The following ATP5F1E variants were observed in gnomAD, a reference collection of about 807,000 sequenced individuals.
ATP5F1E encodes ATP synthase F(1) complex subunit epsilon, mitochondrial.
Under a neutral mutation model 7.0 loss-of-function variants are expected in ATP5F1E, and 5 were observed. That is an observed-to-expected ratio of 0.71 (90% CI 0.37 to 1.49). ATP5F1E has a LOEUF of 1.49. Ranked by LOEUF, ATP5F1E falls within the 40% of genes most tolerant of loss-of-function variation. The pLI is 0.03. For missense variants in ATP5F1E, 59 were observed against 57.1 expected (o/e 1.03, Z -0.11); for synonymous variants, 20 against 20.1 (o/e 0.99, Z 0.02).
chr20:59,027,024 G>A lies in ATP5F1E; in HGVS notation c.*1821C>T, dbSNP rs2091998356. On this transcript the variant is annotated 3_prime_UTR_variant, in exon 3 of 3. Transcript: ENST00000243997. ...ATCCTGCCAGCTACCCAGCACTGCT[G>A]GAGGCAGGAAGTTTATTATACTACT... 1 of 152,186 alleles carries A rather than the reference G, an allele frequency of 6.6e-6. No individual in the cohort carries two copies. The allele number at this position is 152,186 out of a possible 1,614,324, so 9.4% of individuals were successfully genotyped here. A position where few individuals can be genotyped will look rare whatever the true frequency, so the allele number is the denominator to read the frequency against.
chr20:59,030,082 G>A, intron 2 of ATP5F1E: 1 of 427,044 alleles, frequency 2.3e-6, no homozygotes. Context: ...GAAAATCAAT[G>A]TGCCAATTAC....
Position 59,030,302 on chromosome 20 carries a change from C to A in ATP5F1E, c.*3+1G>T, listed in dbSNP as rs1211981305. 2 of 1,613,196 alleles carry A rather than the reference C, an allele frequency of 1.2e-6. No homozygotes were observed. The highest frequency in any genetic ancestry group is 1.7e-6 in the Non-Finnish European group (2 of 1,179,536). ...TTCTTCTAAATAAATCCATAACTTA[C>A]AGATTATTCCTTCTTTACTTTCACA... On this transcript the variant is annotated splice_donor_variant, in intron 2 of 2. Transcript: ENST00000243997. LOFTEE classifies it low-confidence loss of function (3UTR_SPLICE).
chr20:59,026,079 T>C lies in ATP5F1E; in HGVS notation c.*2766A>G, dbSNP rs2091992977. ...TCCGACCCTCAATGCAGTAAATATTTACTTGCAGGCAACTGGGTTCTCATC... is the reference window on the plus strand; with the variant it reads ...TCCGACCCTCAATGCAGTAAATATTCACTTGCAGGCAACTGGGTTCTCATC... On this transcript the variant is annotated 3_prime_UTR_variant, in exon 3 of 3. Transcript: ENST00000243997. 6.6e-6 allele frequency: 1 copy of C among 152,350 alleles called. No homozygotes were observed. Among genetic ancestry groups the C allele is most frequent in the South Asian group, 2.1e-4 (1 of 4,826 alleles). The allele number at this position is 152,350 out of a possible 1,614,324, so 9.4% of individuals were successfully genotyped here. A position where few individuals can be genotyped will look rare whatever the true frequency, so the allele number is the denominator to read the frequency against.
In ATP5F1E at chr20:59,027,457, T is replaced by C. The variant is rs1465381818; in HGVS notation, c.*1388A>G. 1 of 152,234 alleles carries C rather than the reference T, an allele frequency of 6.6e-6. No homozygotes were observed. Among genetic ancestry groups the C allele is most frequent in the African/African-American group, 2.4e-5 (1 of 41,464 alleles). The allele number at this position is 152,234 out of a possible 1,614,324, so 9.4% of individuals were successfully genotyped here. On this transcript the variant is annotated 3_prime_UTR_variant, in exon 3 of 3. Coordinates refer to ENST00000243997, the MANE Select transcript of ATP5F1E (RefSeq NM_006886.4). ...TACCAATAATACCCCATCTGCCTCC[T>C]TAATAAATGACTTATCTCTAATTAC...
intron 1 of ATP5F1E, among the ~76,000 whole-genome samples, chr20:59,031,183 C>T (rs1323268368): frequency 6.6e-6 from 1 of 152,134 alleles, no homozygotes; most frequent in African/African-American, 2.4e-5. Context: ...GGTATGAGTT[C>T]CAATGCCTGC....
Position 59,027,355 on chromosome 20 carries a change from C to T in ATP5F1E, c.*1490G>A, listed in dbSNP as rs1291789827. 1.3e-5 allele frequency: 2 copies of T among 151,944 alleles called. No individual in the cohort carries two copies. The highest frequency in any genetic ancestry group is 2.9e-5 in the Non-Finnish European group (2 of 68,026). 9.4% of individuals were successfully genotyped at this position (151,944 alleles called of 1,614,324 possible). On this transcript the variant is annotated 3_prime_UTR_variant, in exon 3 of 3. Coordinates refer to ENST00000243997, the MANE Select transcript of ATP5F1E (RefSeq NM_006886.4). ...CCATACCATCTATATACCAGTAATA[C>T]CCCATCTGCCTCCTTAACATACCAT...
intron 1 of ATP5F1E, among the ~76,000 whole-genome samples, chr20:59,030,924 A>G (rs1056670493): frequency 6.6e-6 from 1 of 152,226 alleles, no homozygotes; most frequent in Admixed American, 6.5e-5. Flanking sequence ...GAGAATACTG[A>G]ATTCTGTCTC....
At position 59,026,367 on chromosome 20, in the gene ATP5F1E, A is replaced by G. The variant is rs1009205993; in HGVS notation, c.*2478T>C. On this transcript the variant is annotated 3_prime_UTR_variant, in exon 3 of 3. Coordinates refer to ENST00000243997, the MANE Select transcript of ATP5F1E (RefSeq NM_006886.4). ...AGATTTAGTAAGAAACTCTACCTATATACTTAGTTTGAAGTTAGTAACTTC... is the reference window on the plus strand; with the variant it reads ...AGATTTAGTAAGAAACTCTACCTATGTACTTAGTTTGAAGTTAGTAACTTC... 6.6e-6 allele frequency: 1 copy of G among 152,204 alleles called. No homozygotes were observed. Among genetic ancestry groups the G allele is most frequent in the African/African-American group, 2.4e-5 (1 of 41,456 alleles). The allele number at this position is 152,204 out of a possible 1,614,324, so 9.4% of individuals were successfully genotyped here. A position where few individuals can be genotyped will look rare whatever the true frequency, so the allele number is the denominator to read the frequency against.
chr20:59,025,873 A>G lies in ATP5F1E; in HGVS notation c.*2972T>C, dbSNP rs191916757. 3.3e-5 allele frequency: 5 copies of G among 152,366 alleles called. No individual in the cohort carries two copies. The East Asian group carries it at 5.8e-4, about 18-fold the overall frequency. 9.4% of individuals were successfully genotyped at this position (152,366 alleles called of 1,614,324 possible). A position where few individuals can be genotyped will look rare whatever the true frequency, so the allele number is the denominator to read the frequency against. ...TACATGATTTTAATCTGCTCACATT[A>G]TAACAGGACCAAATACACAAGAGCG... is the stretch of plus-strand genomic sequence containing the variant. On this transcript the variant is annotated 3_prime_UTR_variant, in exon 3 of 3. Coordinates refer to ENST00000243997, the MANE Select transcript of ATP5F1E (RefSeq NM_006886.4).
In ATP5F1E at chr20:59,032,332, G is replaced by T. The variant is rs904961959; in HGVS notation, c.-81C>A. 2.6e-6 allele frequency: 4 copies of T among 1,542,946 alleles called. No individual in the cohort carries two copies. The highest frequency in any genetic ancestry group is 1.2e-5 in the South Asian group (1 of 84,446). ...GCTCAGCCGGGCGGTTCAGCCGCAG[G>T]AAGATCAGACCACAGAAGCGGAAGA... On this transcript the variant is annotated 5_prime_UTR_variant, in exon 1 of 3. Coordinates refer to ENST00000243997, the MANE Select transcript of ATP5F1E (RefSeq NM_006886.4).
At chr20:59,030,802 C>T (rs1295587081) in intron 1 of ATP5F1E, among the ~76,000 whole-genome samples, 1 of 152,162 alleles carries the variant, frequency 6.6e-6, no homozygotes, top group Non-Finnish European at 1.5e-5. Context: ...ATTCTCTCCT[C>T]GATTTCTCTC....
rs2146380774 is a variant in ATP5F1E, at chr20:59,027,958, CCA to C, written c.*885_*886del. ...AAATTTCCAGTTCAAATTTATTTCT[CCA>C]GTCTCCAAAAACAGTTAAAATCAGG... is the stretch of plus-strand genomic sequence containing the variant. On this transcript the variant is annotated 3_prime_UTR_variant, in exon 3 of 3. Coordinates refer to ENST00000243997, the MANE Select transcript of ATP5F1E (RefSeq NM_006886.4). 6.6e-6 allele frequency: 1 copy of C among 152,288 alleles called. No individual in the cohort carries two copies. The highest frequency in any genetic ancestry group is 1.5e-5 in the Non-Finnish European group (1 of 68,024). The allele number at this position is 152,288 out of a possible 1,614,324, so 9.4% of individuals were successfully genotyped here.
chr20:59,032,292 A>C lies in ATP5F1E; in HGVS notation c.-41T>G, dbSNP rs759139093. The C allele has an allele frequency of 6.3e-7, 1 of 1,590,336 alleles. No individual in the cohort carries two copies. Among genetic ancestry groups the C allele is most frequent in the Middle Eastern group, 1.7e-4 (1 of 5,978 alleles). ...GAGCTCGTCGGGCCGAATCGCCAAG[A>C]CGCCGGCAATGTCGGCTCAGCCGGG... On this transcript the variant is annotated 5_prime_UTR_variant, in exon 1 of 3. Transcript: ENST00000243997.
rs751242838 is a variant in ATP5F1E, at chr20:59,032,291, G to A, written c.-40C>T. The A allele has an allele frequency of 2.5e-6, 4 of 1,590,740 alleles. No homozygotes were observed. Among genetic ancestry groups the A allele is most frequent in the Non-Finnish European group, 3.4e-6 (4 of 1,168,818 alleles). On this transcript the variant is annotated 5_prime_UTR_variant, in exon 1 of 3. Coordinates refer to ENST00000243997, the MANE Select transcript of ATP5F1E (RefSeq NM_006886.4). ...GGAGCTCGTCGGGCCGAATCGCCAA[G>A]ACGCCGGCAATGTCGGCTCAGCCGG...
chr20:59,031,379 T>TAATAAACTAGTCCCTAATAA lies in ATP5F1E; in HGVS notation c.32+840_32+841insTTATTAGGGACTAGTTTATT, dbSNP rs1286172114. Among the ~76,000 whole-genome samples, 12 of 152,364 alleles carry TAATAAACTAGTCCCTAATAA rather than the reference T, an allele frequency of 7.9e-5. No individual in the cohort carries two copies. In the East Asian group the frequency reaches 2.3e-3, roughly 29 times the overall value. ...AGGTTGCCTAATAAACGGTATCTAC[T>TAATAAACTAGTCCCTAATAA]ACTGGGACTATCATCCTTCCATCCT... On this transcript the variant is annotated intron_variant, in intron 1 of 2. Coordinates refer to ENST00000243997, the MANE Select transcript of ATP5F1E (RefSeq NM_006886.4).
chr20:59,028,817 T>C lies in ATP5F1E; in HGVS notation c.*28A>G, dbSNP rs1311106290. The C allele has an allele frequency of 1.2e-5, 2 of 167,276 alleles. No homozygotes were observed. The highest frequency in any genetic ancestry group is 2.1e-4 in the South Asian group (1 of 4,842). 10.4% of individuals were successfully genotyped at this position (167,276 alleles called of 1,614,324 possible). A position where few individuals can be genotyped will look rare whatever the true frequency, so the allele number is the denominator to read the frequency against. On this transcript the variant is annotated 3_prime_UTR_variant, in exon 3 of 3. Coordinates refer to ENST00000243997, the MANE Select transcript of ATP5F1E (RefSeq NM_006886.4). Reference sequence around the variant, plus strand: ...CCCACACATCTTCACCTTGGAAATGTAGCATTTCAAGCTTTAGTCAGGGTC... The same window carrying C: ...CCCACACATCTTCACCTTGGAAATGCAGCATTTCAAGCTTTAGTCAGGGTC...
Position 59,031,377 on chromosome 20 carries a change from A to ATCC in ATP5F1E, c.32+842_32+843insGGA, listed in dbSNP as rs1218667947. 7.9e-5 allele frequency among the ~76,000 whole-genome samples: 12 copies of ATCC among 152,356 alleles called. No individual in the cohort carries two copies. In the East Asian group the frequency reaches 2.3e-3, roughly 29 times the overall value. ...GTAGGTTGCCTAATAAACGGTATCTACTACTGGGACTATCATCCTTCCATC... is the reference window on the plus strand; with the variant it reads ...GTAGGTTGCCTAATAAACGGTATCTATCCCTACTGGGACTATCATCCTTCCATC... On this transcript the variant is annotated intron_variant, in intron 1 of 2. Coordinates refer to ENST00000243997, the MANE Select transcript of ATP5F1E (RefSeq NM_006886.4).
intron 1 of ATP5F1E, 103 bp downstream of exon 1, chr20:59,032,117 G>A (rs2092036000): frequency 2.0e-6 from 3 of 1,482,874 alleles, no homozygotes; most frequent in Middle Eastern, 2.3e-4. Context: ...GCCCAACCCC[G>A]GTCACGCGTG....
Position 59,025,738 on chromosome 20 carries a change from A to G in ATP5F1E, c.*3107T>C, listed in dbSNP as rs2091991096. Reference sequence around the variant, plus strand: ...GCAGGAATTAAGCAGCAATGGCTGCAGTGTCCTTCTCAGTTATGGAGGACA... The same window carrying G: ...GCAGGAATTAAGCAGCAATGGCTGCGGTGTCCTTCTCAGTTATGGAGGACA... On this transcript the variant is annotated 3_prime_UTR_variant, in exon 3 of 3. Coordinates refer to ENST00000243997, the MANE Select transcript of ATP5F1E (RefSeq NM_006886.4). 6.6e-6 allele frequency: 1 copy of G among 152,282 alleles called. No homozygotes were observed. The highest frequency in any genetic ancestry group is 2.1e-4 in the South Asian group (1 of 4,838). 9.4% of individuals were successfully genotyped at this position (152,282 alleles called of 1,614,324 possible). A position where few individuals can be genotyped will look rare whatever the true frequency, so the allele number is the denominator to read the frequency against.
Sources: gnomAD v4.1 joint callset for allele counts (sites outside exome capture counted in the v4.1 genomes callset) on GRCh38, gnomAD v4.1.1 for gene constraint, MANE v1.5 for transcripts, NCBI Gene and HGNC (gene_info 2026-07-23, HGNC 2026-07-21) for gene names.